The following NRG3 variants were observed in gnomAD, a reference collection of about 807,000 sequenced individuals.
NRG3 encodes the protein neuregulin 3.
NRG3 carries 31 observed loss-of-function variants against 66.9 expected under a neutral mutation model. The observed-to-expected ratio is 0.46, with a 90% confidence interval of 0.35 to 0.63. NRG3 has a LOEUF of 0.63. NRG3 is among the 20% of genes least tolerant of loss of function. NRG3 has a pLI of 0.00. For missense variants in NRG3, 910 were observed against 878.9 expected (o/e 1.04, Z -0.45); for synonymous variants, 393 against 359.4 (o/e 1.09, Z -1.06).
chr10:81,978,904 T>C (rs1256563333), intron 1 of NRG3, among the ~76,000 whole-genome samples: 1 of 151,980 alleles, frequency 6.6e-6, no homozygotes, highest in African/African-American at 2.4e-5. Flanking sequence ...TTTTAAAAAT[T>C]TCCTGGCCGG....
At chr10:82,793,686 G>A (rs1035692040) in intron 3 of NRG3, among the ~76,000 whole-genome samples, 13 of 152,172 alleles carry the variant, frequency 8.5e-5, no homozygotes, top group African/African-American at 3.1e-4. Flanking sequence ...TGTGGGTCCT[G>A]TGGCTATGTC....
At chr10:82,592,344 T>G (rs947085680) in intron 2 of NRG3, among the ~76,000 whole-genome samples, 1 of 152,096 alleles carries the variant, frequency 6.6e-6, no homozygotes, top group Non-Finnish European at 1.5e-5. Flanking sequence ...GAATATGAAT[T>G]GAGTACATGT....
intron 5 of NRG3, 34 bp downstream of exon 5, chr10:82,951,605 C>G (rs927763086): frequency 6.4e-7 from 1 of 1,570,106 alleles, no homozygotes; most frequent in Non-Finnish European, 8.8e-7. Flanking sequence ...TTAAAGGTTA[C>G]TTTTAGAGAA....
intron 2 of NRG3, among the ~76,000 whole-genome samples, chr10:82,380,023 G>A (rs894837905): frequency 4.6e-5 from 7 of 151,718 alleles, no homozygotes; most frequent in South Asian, 4.2e-4. Context: ...TGTGAAATAG[G>A]AGAGCAAAAG....
intron 2 of NRG3, among the ~76,000 whole-genome samples, chr10:82,426,010 T>C (rs547469536): frequency 6.6e-6 from 1 of 152,312 alleles, no homozygotes; most frequent in East Asian, 1.9e-4. Context: ...AATTCTTGGC[T>C]TTCCACCTTC....
At chr10:82,836,683 C>T (rs927163973) in intron 3 of NRG3, among the ~76,000 whole-genome samples, 42 of 151,476 alleles carry the variant, frequency 2.8e-4, no homozygotes, top group African/African-American at 9.9e-4. Flanking sequence ...TATGCAAATA[C>T]TGTGCCATTT....
chr10:82,671,833 G>A (rs897481148), intron 2 of NRG3, among the ~76,000 whole-genome samples: 14 of 152,180 alleles, frequency 9.2e-5, no homozygotes, highest in African/African-American at 3.4e-4. Flanking sequence ...TAATTAGGCA[G>A]CAGTCAAAAA....
At chr10:81,980,022 G>T (rs1564708748) in intron 1 of NRG3, among the ~76,000 whole-genome samples, 1 of 152,126 alleles carries the variant, frequency 6.6e-6, no homozygotes. Context: ...TCATCATTTT[G>T]CCCCACTTCC....
chr10:81,887,139 T>C (rs1049860591), intron 1 of NRG3, among the ~76,000 whole-genome samples: 2 of 152,278 alleles, frequency 1.3e-5, no homozygotes, highest in East Asian at 3.9e-4. Context: ...TGTTTCTTAA[T>C]TGGTGGTGTC....
At chr10:82,531,435 T>A (rs189174915) in intron 2 of NRG3, among the ~76,000 whole-genome samples, 20 of 151,978 alleles carry the variant, frequency 1.3e-4, no homozygotes, top group African/African-American at 4.8e-4. Flanking sequence ...TGCTATTATA[T>A]AATGAGAGGA....
intron 2 of NRG3, among the ~76,000 whole-genome samples, chr10:82,367,042 T>G (rs970652192): frequency 6.6e-6 from 1 of 152,282 alleles, no homozygotes; most frequent in Admixed American, 6.5e-5. Flanking sequence ...CTCTGGCAGT[T>G]AGTACATTGC....
At chr10:82,610,524 A>G (rs181928585) in intron 2 of NRG3, among the ~76,000 whole-genome samples, 7 of 152,338 alleles carry the variant, frequency 4.6e-5, no homozygotes, top group Non-Finnish European at 1.0e-4. Context: ...ATATTTTAAT[A>G]TAATGTGCTC....
intron 1 of NRG3, among the ~76,000 whole-genome samples, chr10:82,120,196 T>C (rs2067994109): frequency 6.6e-6 from 1 of 152,116 alleles, no homozygotes; most frequent in South Asian, 2.1e-4. Context: ...GAGCCGTTTC[T>C]TCTCCCAGAA....
At chr10:82,464,303 AG>A (rs1387485194) in intron 2 of NRG3, among the ~76,000 whole-genome samples, 1 of 152,190 alleles carries the variant, frequency 6.6e-6, no homozygotes, top group East Asian at 1.9e-4. Flanking sequence ...TCATATGGTT[AG>A]GGTTTGCTTC....
At chr10:82,552,753 G>A (rs1565062054) in intron 2 of NRG3, among the ~76,000 whole-genome samples, 1 of 152,116 alleles carries the variant, frequency 6.6e-6, no homozygotes, top group South Asian at 2.1e-4. Flanking sequence ...ATGTATGTGA[G>A]TTATCAAATC....
chr10:82,957,215 C>T (rs1398962045), intron 5 of NRG3, among the ~76,000 whole-genome samples: 1 of 151,896 alleles, frequency 6.6e-6, no homozygotes, highest in East Asian at 1.9e-4. Flanking sequence ...TGGAAGATAG[C>T]TTTTATGAAC....
intron 3 of NRG3, among the ~76,000 whole-genome samples, chr10:82,858,915 C>A (rs1424689164): frequency 6.6e-6 from 1 of 150,748 alleles, no homozygotes; most frequent in Non-Finnish European, 1.5e-5. Flanking sequence ...GCAGAGAAGC[C>A]CATTTAACTT....
At chr10:82,984,666 C>A in intron 8 of NRG3, 1 of 1,052,084 alleles carries the variant, frequency 9.5e-7, no homozygotes, top group Non-Finnish European at 1.4e-6. Flanking sequence ...TGGACTAACC[C>A]AGGGCTGAGA....
intron 2 of NRG3, among the ~76,000 whole-genome samples, chr10:82,674,506 A>G (rs2053525507): frequency 6.6e-6 from 1 of 152,146 alleles, no homozygotes; most frequent in Admixed American, 6.5e-5. Context: ...ACACTTAAAC[A>G]TGGCTTAAGT....
Sources: gnomAD v4.1 joint callset for allele counts (sites outside exome capture counted in the v4.1 genomes callset) on GRCh38, gnomAD v4.1.1 for gene constraint, MANE v1.5 for transcripts, NCBI Gene and HGNC (gene_info 2026-07-23, HGNC 2026-07-21) for gene names.